The following RIC1 variants were observed in gnomAD, a reference collection of about 807,000 sequenced individuals.
RIC1 encodes RIC1 partner of RAB6A GEF complex, also known as guanine nucleotide exchange factor subunit RIC1.
Under a neutral mutation model 169.0 loss-of-function variants are expected in RIC1, and 88 were observed. The observed-to-expected ratio is 0.52, with a 90% confidence interval of 0.44 to 0.62. The LOEUF is 0.62. Among genes scored for constraint, RIC1 ranks in the 20% least tolerant of loss-of-function variants. RIC1 has a pLI of 0.00. For missense variants in RIC1, 1,877 were observed against 1,725.5 expected, an observed-to-expected ratio of 1.09 and a Z score of -1.56; for synonymous variants, 790 against 601.5, an observed-to-expected ratio of 1.31 and a Z score of -4.59.
chr9:5,643,797 T>TA (rs1410627820), intron 1 of RIC1, among the ~76,000 whole-genome samples: 1 of 152,102 alleles, frequency 6.6e-6, no homozygotes, highest in African/African-American at 2.4e-5. Context: ...TCAGAAAAAA[T>TA]AAAATAAATT....
At chr9:5,735,337 C>G (rs1824634192) in intron 7 of RIC1, among the ~76,000 whole-genome samples, 1 of 152,138 alleles carries the variant, frequency 6.6e-6, no homozygotes, top group African/African-American at 2.4e-5. Flanking sequence ...AGAAAATACA[C>G]AGAGACAGAA....
intron 1 of RIC1, among the ~76,000 whole-genome samples, chr9:5,641,463 C>G (rs1234110453): frequency 1.3e-5 from 2 of 152,082 alleles, no homozygotes; most frequent in Non-Finnish European, 2.9e-5. Context: ...ATGCAGATAT[C>G]TTTCTCTAGG....
At chr9:5,712,259 A>G (rs1159249517) in intron 3 of RIC1, among the ~76,000 whole-genome samples, 6 of 152,126 alleles carry the variant, frequency 3.9e-5, no homozygotes, top group Admixed American at 1.3e-4. Flanking sequence ...CTTTTTAATG[A>G]TCACCATTCT....
intron 24 of RIC1, 24 bp from the exon 25 acceptor site, chr9:5,772,868 C>A (rs1191814500): frequency 6.3e-6 from 10 of 1,597,158 alleles, no homozygotes; most frequent in South Asian, 3.4e-5. Flanking sequence ...TAGCATAAAT[C>A]ATTTTGTTTC....
In RIC1 at chr9:5,673,970, A is replaced by G. The variant is rs535012207; in HGVS notation, c.253-15989A>G. Among the ~76,000 whole-genome samples the G allele has an allele frequency of 1.4e-4, 21 of 152,322 alleles. 1 individual carries two copies. In the South Asian group the frequency reaches 4.1e-3, roughly 30 times the overall value. ...TATAAAGAAAAAAATTGTATTTTAG[A>G]TAACCCTCTACTTAAGAAACTAACA... On this transcript the variant is annotated intron_variant, in intron 2 of 25. Coordinates refer to ENST00000414202, the MANE Select transcript of RIC1 (RefSeq NM_020829.4).
chr9:5,755,469 T>C (rs1825952004), intron 15 of RIC1, among the ~76,000 whole-genome samples: 1 of 152,198 alleles, frequency 6.6e-6, no homozygotes. Flanking sequence ...ATGAATGTGG[T>C]CTCTCAGAAT....
intron 1 of RIC1, among the ~76,000 whole-genome samples, chr9:5,634,413 A>G (rs925786472): frequency 1.3e-5 from 2 of 152,214 alleles, no homozygotes; most frequent in African/African-American, 4.8e-5. Flanking sequence ...ACTTCTTGAT[A>G]ATAGATATCC....
intron 3 of RIC1, among the ~76,000 whole-genome samples, chr9:5,707,963 C>T (rs1228403772): frequency 2.6e-5 from 4 of 152,020 alleles, no homozygotes; most frequent in African/African-American, 7.2e-5. Flanking sequence ...TCCTCCACTG[C>T]TGCCTTTTTG....
At chr9:5,632,969 G>A (rs550210682) in intron 1 of RIC1, among the ~76,000 whole-genome samples, 2 of 152,276 alleles carry the variant, frequency 1.3e-5, no homozygotes, top group African/African-American at 2.4e-5. Context: ...AACATCAACT[G>A]TAAAAGACAG....
At position 5,757,133 on chromosome 9, in the gene RIC1, A is replaced by G. The variant is rs562678918; in HGVS notation, c.1854-180A>G. Reference sequence around the variant, plus strand: ...CTTTCTTTCTCTCTCATCCCCATATACTCTGGTTCCCCTCAACCTTGCCAA... The same window carrying G: ...CTTTCTTTCTCTCTCATCCCCATATGCTCTGGTTCCCCTCAACCTTGCCAA... On this transcript the variant is annotated intron_variant, in intron 16 of 25. Coordinates refer to ENST00000414202, the MANE Select transcript of RIC1 (RefSeq NM_020829.4). Among the ~76,000 whole-genome samples the G allele has an allele frequency of 4.0e-5, 6 of 151,872 alleles. No individual in the cohort carries two copies. The East Asian group carries it at 1.2e-3, about 29-fold the overall frequency.
chr9:5,707,128 T>C (rs1457870801), intron 3 of RIC1, among the ~76,000 whole-genome samples: 1 of 152,196 alleles, frequency 6.6e-6, no homozygotes, highest in Non-Finnish European at 1.5e-5. Flanking sequence ...ATTTCCCTTT[T>C]GGTTCTTCTT....
intron 4 of RIC1, chr9:5,718,877 C>T (rs1823426222): frequency 1.3e-5 from 2 of 152,104 alleles, no homozygotes; most frequent in South Asian, 2.1e-4. Flanking sequence ...GAAAAAACAG[C>T]AAATTCTACA....
chr9:5,640,036 C>G (rs923295100), intron 1 of RIC1, among the ~76,000 whole-genome samples: 1 of 152,068 alleles, frequency 6.6e-6, no homozygotes, highest in African/African-American at 2.4e-5. Context: ...CACTCTCTGT[C>G]TTTTGATTGG....
In RIC1 at chr9:5,720,179, C is replaced by A; in HGVS notation, c.441-3C>A. ...CTTAAAAATTAATTGATTCTACCTA[C>A]AGTTTGCAGTCTGTGTTGGAAGATC... On this transcript the variant is annotated splice_polypyrimidine_tract_variant and splice_region_variant and intron_variant, in intron 4 of 25. Coordinates refer to ENST00000414202, the MANE Select transcript of RIC1 (RefSeq NM_020829.4). 1 of 1,608,588 alleles carries A rather than the reference C, an allele frequency of 6.2e-7. No homozygotes were observed. Among genetic ancestry groups the A allele is most frequent in the South Asian group, 1.1e-5 (1 of 90,726 alleles).
intron 3 of RIC1, among the ~76,000 whole-genome samples, chr9:5,698,893 A>T (rs1277844851): frequency 6.6e-6 from 1 of 152,222 alleles, no homozygotes; most frequent in African/African-American, 2.4e-5. Context: ...TAGTTCATTA[A>T]CTGCGAGGTT....
intron 2 of RIC1, among the ~76,000 whole-genome samples, chr9:5,673,179 T>C (rs1199138243): frequency 6.6e-6 from 1 of 151,988 alleles, no homozygotes; most frequent in East Asian, 1.9e-4. Flanking sequence ...GGGACAATTA[T>C]TATCTGTATT....
At chr9:5,770,048 T>C (rs1380948956) in intron 22 of RIC1, 39 bp from the exon 23 acceptor site, 2 of 1,542,440 alleles carry the variant, frequency 1.3e-6, no homozygotes, top group African/African-American at 2.7e-5. Context: ...GCATCTTCAA[T>C]TTCTTCCTCC....
At chr9:5,769,592 CAAAGT>C in intron 22 of RIC1, 2 of 611,406 alleles carry the variant, frequency 3.3e-6, no homozygotes, top group South Asian at 2.3e-5. Context: ...ACATGGACCT[CAAAGT>C]AAGCTGACAG....
intron 17 of RIC1, among the ~76,000 whole-genome samples, chr9:5,758,612 T>G (rs988911232): frequency 1.3e-5 from 2 of 152,078 alleles, no homozygotes; most frequent in Non-Finnish European, 2.9e-5. Flanking sequence ...TGGCTTCTCC[T>G]TCTCTCCTCA....
Sources: allele counts gnomAD v4.1 joint callset (sites outside exome capture counted in the v4.1 genomes callset), GRCh38; gene constraint gnomAD v4.1.1; transcripts MANE v1.5; gene names NCBI Gene and HGNC (gene_info 2026-07-23, HGNC 2026-07-21).